The following DNAJC24 variants were observed in gnomAD, a reference collection of about 807,000 sequenced individuals.
The protein encoded by DNAJC24 is DnaJ heat shock protein family (Hsp40) member C24.
A neutral mutation model predicts 18.0 loss-of-function variants in DNAJC24; 17 were observed. The observed-to-expected ratio is 0.94, with a 90% CI of 0.65 to 1.42. The LOEUF (loss-of-function observed/expected upper bound fraction) is 1.42, where lower values mean the gene tolerates loss of function less well. Among genes scored for constraint, DNAJC24 ranks in the 40% most tolerant of loss-of-function variants. DNAJC24 has a pLI of 0.00. For missense variants in DNAJC24, 158 were observed against 175.6 expected, an observed-to-expected ratio of 0.90 and a Z score of 0.57; for synonymous variants, 55 against 57.7, an observed-to-expected ratio of 0.95 and a Z score of 0.21.
chr11:31,414,659 C>G (rs1480214033), intron 2 of DNAJC24, 152 bp from the exon 3 acceptor site: 5 of 724,974 alleles, frequency 6.9e-6, no homozygotes, highest in African/African-American at 5.4e-5. Flanking sequence ...GCAGTTGTCT[C>G]CTGTGCCCAA....
intron 2 of DNAJC24, among the ~76,000 whole-genome samples, chr11:31,385,958 G>A (rs1208405314): frequency 6.6e-6 from 1 of 152,180 alleles, no homozygotes; most frequent in Non-Finnish European, 1.5e-5. Flanking sequence ...AGAGCACCAT[G>A]CTCGTAGGAT....
intron 3 of DNAJC24, among the ~76,000 whole-genome samples, chr11:31,425,224 C>T (rs1952850163): frequency 6.6e-6 from 1 of 152,108 alleles, no homozygotes; most frequent in Non-Finnish European, 1.5e-5. Flanking sequence ...CAACACAATA[C>T]ATTTGTGTTG....
At position 31,389,683 on chromosome 11, in the gene DNAJC24, A is replaced by G. The variant is rs144022195; in HGVS notation, c.111+18824A>G. 1.6e-4 allele frequency among the ~76,000 whole-genome samples: 24 copies of G among 152,334 alleles called. No individual in the cohort carries two copies. The East Asian group carries it at 4.6e-3, about 29-fold the overall frequency. On this transcript the variant is annotated intron_variant, in intron 2 of 4. Transcript: ENST00000465995. ...CCTACCTGATAGATATTTACTGAAC[A>G]TTTCATCTAACAGCTGCAGAATAAA...
chr11:31,386,166 C>T (rs1952428307), intron 2 of DNAJC24, among the ~76,000 whole-genome samples: 1 of 152,070 alleles, frequency 6.6e-6, no homozygotes, highest in Admixed American at 6.5e-5. Context: ...ACTTGAAAGG[C>T]AGTCTAGGCC....
In DNAJC24 at chr11:31,430,457, G is replaced by A. The variant is rs985027209; in HGVS notation, c.*56G>A. ...TGGTATTGAGACATGATGAGAAGCC[G>A]TTGAGCTTTGTCCATTCAAGGAAAT... On this transcript the variant is annotated 3_prime_UTR_variant, in exon 5 of 5. Coordinates refer to ENST00000465995, the MANE Select transcript of DNAJC24 (RefSeq NM_181706.5). The A allele has an allele frequency of 2.8e-5, 42 of 1,478,106 alleles. No individual in the cohort carries two copies. Among genetic ancestry groups the A allele is most frequent in the South Asian group, 4.1e-5 (3 of 73,856 alleles). 91.6% of individuals were successfully genotyped at this position (1,478,106 alleles called of 1,614,324 possible). A position where few individuals can be genotyped will look rare whatever the true frequency, so the allele number is the denominator to read the frequency against.
At position 31,430,607 on chromosome 11, in the gene DNAJC24, C is replaced by A. The variant is rs1952913268; in HGVS notation, c.*206C>A. The A allele has an allele frequency of 3.9e-6, 1 of 254,996 alleles. No homozygotes were observed. The highest frequency in any genetic ancestry group is 7.1e-6 in the Non-Finnish European group (1 of 140,746). The allele number at this position is 254,996 out of a possible 1,614,324, so 15.8% of individuals were successfully genotyped here. A position where few individuals can be genotyped will look rare whatever the true frequency, so the allele number is the denominator to read the frequency against. The stretch of plus-strand genomic sequence containing the variant: ...TTTATAATTTATATTTACAAGTTGT[C>A]ACAAAAATAGATTTGATTATATTTG... On this transcript the variant is annotated 3_prime_UTR_variant, in exon 5 of 5. Coordinates refer to ENST00000465995, the MANE Select transcript of DNAJC24 (RefSeq NM_181706.5).
chr11:31,394,289 C>T (rs1487553514), intron 2 of DNAJC24, among the ~76,000 whole-genome samples: 2 of 152,170 alleles, frequency 1.3e-5, no homozygotes, highest in African/African-American at 4.8e-5. Flanking sequence ...AAGAAGGAGG[C>T]ATAGCATACC....
At chr11:31,377,475 T>A (rs1308949230) in intron 2 of DNAJC24, among the ~76,000 whole-genome samples, 1 of 152,148 alleles carries the variant, frequency 6.6e-6, no homozygotes, top group Non-Finnish European at 1.5e-5. Flanking sequence ...TAGTTTACTA[T>A]ATAAAAAATA....
chr11:31,406,467 T>A (rs1247011146), intron 2 of DNAJC24, among the ~76,000 whole-genome samples: 1 of 152,250 alleles, frequency 6.6e-6, no homozygotes, highest in East Asian at 1.9e-4. Context: ...ACTGTGCTGA[T>A]CTTTGCACAG....
chr11:31,390,042 G>T lies in DNAJC24; in HGVS notation c.111+19183G>T, dbSNP rs569235670. ...AAGAGGGAAGTTTATAGCAATAGGT[G>T]CCCACATGAAAAAAGGAGAACCAAA... On this transcript the variant is annotated intron_variant, in intron 2 of 4. Coordinates refer to ENST00000465995, the MANE Select transcript of DNAJC24 (RefSeq NM_181706.5). Among the ~76,000 whole-genome samples, 4 of 152,198 alleles carry T rather than the reference G, an allele frequency of 2.6e-5. No homozygotes were observed. The South Asian group carries it at 8.3e-4, about 32-fold the overall frequency.
At chr11:31,392,352 C>G (rs926393796) in intron 2 of DNAJC24, among the ~76,000 whole-genome samples, 1 of 152,046 alleles carries the variant, frequency 6.6e-6, no homozygotes, top group South Asian at 2.1e-4. Flanking sequence ...ATCACAATAC[C>G]GTATGTAATC....
At chr11:31,404,579 TAA>T (rs1248326262) in intron 2 of DNAJC24, among the ~76,000 whole-genome samples, 2 of 152,214 alleles carry the variant, frequency 1.3e-5, no homozygotes, top group Non-Finnish European at 2.9e-5. Flanking sequence ...ATTATTTATA[TAA>T]TTCTCTCAAA....
chr11:31,387,265 CAGGT>C (rs1952438997), intron 2 of DNAJC24, among the ~76,000 whole-genome samples: 1 of 152,120 alleles, frequency 6.6e-6, no homozygotes, highest in African/African-American at 2.4e-5. Context: ...GGTAGGTAGC[CAGGT>C]AGTGGTCACT....
At chr11:31,384,243 T>C (rs903772991) in intron 2 of DNAJC24, among the ~76,000 whole-genome samples, 5 of 152,192 alleles carry the variant, frequency 3.3e-5, no homozygotes, top group Non-Finnish European at 1.5e-5. Flanking sequence ...GAACTAATCA[T>C]TGTAGTTACT....
chr11:31,394,155 C>A (rs1051082258), intron 2 of DNAJC24, among the ~76,000 whole-genome samples: 1 of 152,136 alleles, frequency 6.6e-6, no homozygotes, highest in African/African-American at 2.4e-5. Flanking sequence ...GGAACACTAA[C>A]CAACACTTAC....
At chr11:31,410,910 T>C (rs1484863352) in intron 2 of DNAJC24, among the ~76,000 whole-genome samples, 3 of 152,192 alleles carry the variant, frequency 2.0e-5, no homozygotes, top group African/African-American at 7.2e-5. Flanking sequence ...AATATATCAG[T>C]TTGTCCATTT....
chr11:31,370,869 T>G lies in DNAJC24; in HGVS notation c.111+10T>G. 1 of 1,524,756 alleles carries G rather than the reference T, an allele frequency of 6.6e-7. No homozygotes were observed. The highest frequency in any genetic ancestry group is 9.0e-7 in the Non-Finnish European group (1 of 1,116,522). 94.5% of individuals were successfully genotyped at this position (1,524,756 alleles called of 1,614,324 possible). On this transcript the variant is annotated intron_variant, in intron 2 of 4. Coordinates refer to ENST00000465995, the MANE Select transcript of DNAJC24 (RefSeq NM_181706.5). ...AAAACTCATATTAATGGTAAGTCTT[T>G]TCTTTCAGATTTTAAATCATGAGGG...
chr11:31,384,647 G>A (rs1952410175), intron 2 of DNAJC24: 1 of 152,192 alleles, frequency 6.6e-6, no homozygotes, highest in Non-Finnish European at 1.5e-5. Flanking sequence ...TGACAGAATA[G>A]AGCCACACAG....
At chr11:31,371,814 CTTTTTTTTTT>C (rs1196949855) in intron 2 of DNAJC24, among the ~76,000 whole-genome samples, 6 of 73,856 alleles carry the variant, frequency 8.1e-5, no homozygotes, top group African/African-American at 2.8e-4. Context: ...TATCAGTTGA[CTTTTTTTTTT>C]TTTTTTTTTT....
Sources: allele counts gnomAD v4.1 joint callset (sites outside exome capture counted in the v4.1 genomes callset), GRCh38; gene constraint gnomAD v4.1.1; transcripts MANE v1.5; gene names NCBI Gene and HGNC (gene_info 2026-07-23, HGNC 2026-07-21).